Variants in NSMAF observed in about 807,000 individuals in gnomAD.
NSMAF encodes protein FAN.
Under a neutral mutation model 134.9 loss-of-function variants are expected in NSMAF, and 90 were observed. The observed-to-expected ratio is 0.67, with a 90% CI of 0.56 to 0.79. NSMAF has a LOEUF of 0.79. Among genes scored for constraint, NSMAF ranks in the 30% least tolerant of loss-of-function variants. The pLI, the probability that NSMAF is intolerant of heterozygous loss-of-function variation, is 0.00. For synonymous variants in NSMAF, 358 were observed against 389.6 expected (o/e 0.92, Z 0.96); for missense variants, 1,010 against 1,119.0 (o/e 0.90, Z 1.39).
At chr8:58,637,780 A>G (rs1045944208) in intron 2 of NSMAF, among the ~76,000 whole-genome samples, 2 of 152,202 alleles carry the variant, frequency 1.3e-5, no homozygotes, top group African/African-American at 4.8e-5. Flanking sequence ...ACACTTAGGA[A>G]TAAATTTAAC....
chr8:58,649,772 A>G (rs1038238113), intron 1 of NSMAF, among the ~76,000 whole-genome samples: 5 of 152,144 alleles, frequency 3.3e-5, no homozygotes, highest in Admixed American at 2.6e-4. Flanking sequence ...ACCTTCCACC[A>G]TGAGTAAAAG....
At position 58,631,534 on chromosome 8, in the gene NSMAF, T is replaced by C. The variant is rs767540357; in HGVS notation, c.346A>G (p.Lys116Glu). ...TATGGTGCAACAACATTATGTTCTT[T>C]AATGAAATATACCTGAGCAAGAAAA... Reference protein sequence around the residue: ...SLIFSQVYFIKEHNVVAPYKI... With the variant: ...SLIFSQVYFIEEHNVVAPYKI... The change falls in exon 6 of 31, where the codon AAA (lysine) becomes GAA (glutamate). Residue 116 changes from lysine (K) to glutamate (E), a missense_variant. Lys to Glu is a moderately conservative substitution (Grantham distance 56, BLOSUM62 1). Coordinates refer to ENST00000038176, the MANE Select transcript of NSMAF (RefSeq NM_003580.4). The C allele has an allele frequency of 1.3e-6, 2 of 1,499,378 alleles. No homozygotes were observed. Among genetic ancestry groups the C allele is most frequent in the Non-Finnish European group, 1.8e-6 (2 of 1,104,662 alleles). 92.9% of individuals were successfully genotyped at this position (1,499,378 alleles called of 1,614,324 possible).
intron 1 of NSMAF, among the ~76,000 whole-genome samples, chr8:58,646,326 A>C (rs1807451850): frequency 6.6e-6 from 1 of 152,180 alleles, no homozygotes; most frequent in East Asian, 1.9e-4. Flanking sequence ...TCCTTCTCTT[A>C]TAGAGAGGGA....
intron 9 of NSMAF, among the ~76,000 whole-genome samples, chr8:58,616,348 G>A (rs781158603): frequency 1.4e-4 from 21 of 151,838 alleles, no homozygotes; most frequent in Admixed American, 1.3e-3. Context: ...CATCAATATA[G>A]ATATAAAAAT....
rs35209612 is a variant in NSMAF, at chr8:58,600,621, C to CAAAAAAAAAAA, written c.1281-611_1281-601dup. Among the ~76,000 whole-genome samples the CAAAAAAAAAAA allele has an allele frequency of 3.6e-4, 16 of 44,690 alleles. 1 individual carries two copies. Among genetic ancestry groups the CAAAAAAAAAAA allele is most frequent in the African/African-American group, 1.4e-3 (16 of 11,320 alleles). The allele number at this position is 44,690 out of a possible 152,430, so 29.3% of individuals were successfully genotyped here. On this transcript the variant is annotated intron_variant, in intron 16 of 30. Transcript: ENST00000038176. ...TGGGCGACAGAGCAAGACTCTGTCT[C>CAAAAAAAAAAA]AAAAAAAAAAAAAAAAAAAAAAAAA...
At chr8:58,585,592 G>A in intron 30 of NSMAF, 60 bp downstream of exon 30, 1 of 1,231,948 alleles carries the variant, frequency 8.1e-7, no homozygotes, top group Admixed American at 1.7e-5. Flanking sequence ...TGATGGAAAA[G>A]GCAGGCTTGA....
Position 58,624,843 on chromosome 8 carries a change from T to C in NSMAF, c.385-1063A>G, listed in dbSNP as rs556825000. The stretch of plus-strand genomic sequence containing the variant: ...TCTACCCATTGTCGAAAGTGTGGTA[T>C]TGAAATCTCCTACCATTATTGTGTT... On this transcript the variant is annotated intron_variant, in intron 6 of 30. Transcript: ENST00000038176. Among the ~76,000 whole-genome samples, 15 of 152,342 alleles carry C rather than the reference T, an allele frequency of 9.8e-5. No homozygotes were observed. In the South Asian group the frequency reaches 3.1e-3, roughly 32 times the overall value.
intron 1 of NSMAF, among the ~76,000 whole-genome samples, chr8:58,647,314 A>G (rs113829551): frequency 1.4e-3 from 215 of 152,332 alleles, no homozygotes; most frequent in African/African-American, 4.9e-3. Flanking sequence ...AATTAAACGG[A>G]CCATTTTTAA....
At chr8:58,611,670 G>A (rs1806532685) in intron 9 of NSMAF, among the ~76,000 whole-genome samples, 1 of 152,194 alleles carries the variant, frequency 6.6e-6, no homozygotes, top group African/African-American at 2.4e-5. Flanking sequence ...CAGACTGGAT[G>A]CAGTGGAGGA....
In NSMAF at chr8:58,607,804, G is replaced by A. The variant is rs200001216; in HGVS notation, c.724C>T (p.Arg242Cys). The A allele has an allele frequency of 4.8e-5, 77 of 1,614,002 alleles. No homozygotes were observed. The highest frequency in any genetic ancestry group is 2.0e-4 in the Admixed American group (12 of 60,004). The change falls in exon 11 of 31, where the codon CGC (arginine) becomes TGC (cysteine). Residue 242 changes from arginine (R) to cysteine (C), a missense_variant. Physicochemically the swap from Arg to Cys is radical, Grantham distance 180. Transcript: ENST00000038176. ...VVQITLQDVRRIYKRRHGLMP... is the reference protein window; with the variant it reads ...VVQITLQDVRCIYKRRHGLMP... ...AGGCCGTGCCTCCTTTTGTAGATGCGGCGGACATCTTGGAGTGTTATCTGG... is the reference window on the plus strand; with the variant it reads ...AGGCCGTGCCTCCTTTTGTAGATGCAGCGGACATCTTGGAGTGTTATCTGG...
chr8:58,647,486 G>T (rs770981988), intron 1 of NSMAF, among the ~76,000 whole-genome samples: 13 of 152,194 alleles, frequency 8.5e-5, no homozygotes, highest in Non-Finnish European at 1.6e-4. Context: ...ATGTCATGTT[G>T]AAATGTGATT....
intron 23 of NSMAF, among the ~76,000 whole-genome samples, chr8:58,593,641 T>C (rs1806068449): frequency 6.6e-6 from 1 of 152,188 alleles, no homozygotes; most frequent in South Asian, 2.1e-4. Context: ...TAATATATAA[T>C]GCAGACTACC....
At chr8:58,639,009 G>A (rs1033982822) in intron 2 of NSMAF, among the ~76,000 whole-genome samples, 1 of 152,170 alleles carries the variant, frequency 6.6e-6, no homozygotes, top group Admixed American at 6.5e-5. Context: ...AAATGGGTGG[G>A]TGTGGTGGCT....
chr8:58,586,673 G>T, intron 27 of NSMAF, 65 bp from the exon 28 acceptor site: 1 of 1,373,128 alleles, frequency 7.3e-7, no homozygotes, highest in Non-Finnish European at 1.0e-6. Flanking sequence ...TGTTTCTCTA[G>T]TCTGGTTCAA....
chr8:58,618,491 C>T (rs1368407887), intron 9 of NSMAF, among the ~76,000 whole-genome samples: 1 of 151,490 alleles, frequency 6.6e-6, no homozygotes, highest in East Asian at 1.9e-4. Context: ...CTAACAAGTA[C>T]CTGCTGAAGT....
chr8:58,626,571 C>T (rs1806935937), intron 6 of NSMAF, among the ~76,000 whole-genome samples: 1 of 152,146 alleles, frequency 6.6e-6, no homozygotes, highest in Admixed American at 6.5e-5. Flanking sequence ...CAGTAGTATT[C>T]CATGGTGTAT....
intron 16 of NSMAF, chr8:58,600,266 T>C (rs1386572489): frequency 1.5e-5 from 8 of 529,650 alleles, no homozygotes. Flanking sequence ...TCCACACCAT[T>C]AGCTACCATA....
chr8:58,606,474 G>A (rs944491550), intron 11 of NSMAF, among the ~76,000 whole-genome samples: 2 of 152,120 alleles, frequency 1.3e-5, no homozygotes, highest in African/African-American at 2.4e-5. Flanking sequence ...AGAGTGCAAT[G>A]GTGTGATCAC....
At chr8:58,614,015 G>A (rs1030146782) in intron 9 of NSMAF, among the ~76,000 whole-genome samples, 3 of 152,164 alleles carry the variant, frequency 2.0e-5, no homozygotes, top group African/African-American at 7.2e-5. Flanking sequence ...TAACCTAGGA[G>A]CAATAGGCTA....
Sources: allele counts gnomAD v4.1 joint callset (sites outside exome capture counted in the v4.1 genomes callset), GRCh38; gene constraint gnomAD v4.1.1; transcripts MANE v1.5; gene names NCBI Gene and HGNC (gene_info 2026-07-23, HGNC 2026-07-21).